The following RAD51B variants were observed in gnomAD, a reference collection of about 807,000 sequenced individuals.
RAD51B encodes RAD51 paralog B, also known as DNA repair protein RAD51 homolog 2.
RAD51B carries 38 observed loss-of-function variants against 42.2 expected under a neutral mutation model. The observed-to-expected ratio is 0.90, with a 90% confidence interval of 0.70 to 1.18. The LOEUF is 1.18. Ranked by LOEUF, RAD51B falls within the 50% of genes most tolerant of loss-of-function variation. RAD51B has a pLI of 0.00. For missense variants in RAD51B, 373 were observed against 400.7 expected (o/e 0.93, Z 0.59); for synonymous variants, 154 against 145.2 (o/e 1.06, Z -0.43).
chr14:67,963,561 C>T (rs1158566321), intron 7 of RAD51B, among the ~76,000 whole-genome samples: 5 of 152,082 alleles, frequency 3.3e-5, no homozygotes, highest in Non-Finnish European at 5.9e-5. Context: ...CTCTTACCAT[C>T]ATTTTAAATA....
At chr14:67,824,955 G>A (rs1023774439) in intron 2 of RAD51B, among the ~76,000 whole-genome samples, 9 of 151,758 alleles carry the variant, frequency 5.9e-5, no homozygotes. Flanking sequence ...GTGAGTGCCT[G>A]TAGTCCCAGC....
intron 7 of RAD51B, among the ~76,000 whole-genome samples, chr14:68,277,798 G>T (rs909721073): frequency 2.0e-5 from 3 of 152,086 alleles, no homozygotes; most frequent in Non-Finnish European, 4.4e-5. Flanking sequence ...GAGTGTAGTG[G>T]CATAATCTTG....
intron 10 of RAD51B, among the ~76,000 whole-genome samples, chr14:68,641,078 G>A (rs1566962095): frequency 6.6e-6 from 1 of 152,154 alleles, no homozygotes; most frequent in Non-Finnish European, 1.5e-5. Flanking sequence ...CTTTTAATGA[G>A]TTCACCTTGG....
Position 68,063,714 on chromosome 14 carries a change from G to A in RAD51B, c.756+176510G>A, listed in dbSNP as rs184436339. 2.8e-3 allele frequency among the ~76,000 whole-genome samples: 423 copies of A among 152,204 alleles called. 5 individuals carry two copies. The highest frequency in any genetic ancestry group is 2.4e-3 in the Non-Finnish European group (160 of 68,000). ...TTGTGCCACAGCACTCCAGCCTGGC[G>A]ACAGAATGAGACTCCATCTCAAAAA... On this transcript the variant is annotated intron_variant, in intron 7 of 10. Transcript: ENST00000471583.
In RAD51B at chr14:67,897,307, T is replaced by C. The variant is rs539593317; in HGVS notation, c.756+10103T>C. ...GGAAATAAGAAAAGGAACAAACAAC[T>C]CACGAAATAGGAGAAAATATTTGGA... On this transcript the variant is annotated intron_variant, in intron 7 of 10. Transcript: ENST00000471583. 1.5e-4 allele frequency among the ~76,000 whole-genome samples: 23 copies of C among 151,790 alleles called. 1 individual carries two copies. Among genetic ancestry groups the C allele is most frequent in the African/African-American group, 4.6e-4 (19 of 41,406 alleles).
chr14:67,937,547 C>A (rs1183514073), intron 7 of RAD51B, among the ~76,000 whole-genome samples: 2 of 152,080 alleles, frequency 1.3e-5, no homozygotes, highest in African/African-American at 2.4e-5. Context: ...TGGGAGTAAC[C>A]CATTGGCAAG....
At chr14:68,410,412 T>C (rs954701155) in intron 8 of RAD51B, among the ~76,000 whole-genome samples, 4 of 152,186 alleles carry the variant, frequency 2.6e-5, no homozygotes. Context: ...TTTAGCTAAT[T>C]CAGTGGACTT....
chr14:67,888,430 G>C (rs2043125239), intron 7 of RAD51B, among the ~76,000 whole-genome samples: 1 of 152,040 alleles, frequency 6.6e-6, no homozygotes, highest in African/African-American at 2.4e-5. Flanking sequence ...CTAAAGATAG[G>C]AGATATTTGA....
intron 7 of RAD51B, among the ~76,000 whole-genome samples, chr14:68,098,082 CTT>C (rs2077225288): frequency 6.6e-6 from 1 of 152,196 alleles, no homozygotes; most frequent in Admixed American, 6.5e-5. Context: ...TCTCGTGACT[CTT>C]TTCATATTAA....
chr14:67,981,399 T>G (rs562380861), intron 7 of RAD51B, among the ~76,000 whole-genome samples: 1 of 152,358 alleles, frequency 6.6e-6, no homozygotes, highest in South Asian at 2.1e-4. Context: ...AAAAATAGTT[T>G]GGCAGTTTCT....
At chr14:68,060,618 C>A (rs2076552312) in intron 7 of RAD51B, among the ~76,000 whole-genome samples, 1 of 152,296 alleles carries the variant, frequency 6.6e-6, no homozygotes, top group Admixed American at 6.5e-5. Flanking sequence ...AAATTTTCGT[C>A]CAACTTTCCA....
chr14:67,991,974 C>T (rs557249622), intron 7 of RAD51B, among the ~76,000 whole-genome samples: 9 of 152,198 alleles, frequency 5.9e-5, no homozygotes, highest in Admixed American at 2.0e-4. Flanking sequence ...AAAGGCTTAA[C>T]GTTCCTAAGT....
chr14:68,020,978 G>T (rs1247930820), intron 7 of RAD51B, among the ~76,000 whole-genome samples: 2 of 152,110 alleles, frequency 1.3e-5, no homozygotes, highest in African/African-American at 4.8e-5. Flanking sequence ...AGGAGTGTTA[G>T]TTCTTTCCTT....
chr14:68,122,731 AAG>A (rs2077675306), intron 7 of RAD51B, among the ~76,000 whole-genome samples: 2 of 152,232 alleles, frequency 1.3e-5, no homozygotes, highest in Non-Finnish European at 2.9e-5. Context: ...TGACTGACAT[AAG>A]TATAGTTATT....
At chr14:68,062,678 A>G (rs749106798) in intron 7 of RAD51B, among the ~76,000 whole-genome samples, 6 of 151,956 alleles carry the variant, frequency 3.9e-5, no homozygotes, top group Non-Finnish European at 8.8e-5. Flanking sequence ...CCATGGTGAC[A>G]GGCACCTGTA....
intron 7 of RAD51B, among the ~76,000 whole-genome samples, chr14:67,974,301 ATTAC>A (rs1165108841): frequency 3.9e-5 from 6 of 152,092 alleles, no homozygotes; most frequent in Admixed American, 3.9e-4. Context: ...GAAAACTCCT[ATTAC>A]TTCAAAAATG....
At chr14:68,040,081 G>C (rs1478500847) in intron 7 of RAD51B, among the ~76,000 whole-genome samples, 1 of 152,166 alleles carries the variant, frequency 6.6e-6, no homozygotes, top group South Asian at 2.1e-4. Context: ...TAATCTTATG[G>C]ATAGCTTCAC....
chr14:68,224,659 ATT>A (rs1266680555), intron 7 of RAD51B, among the ~76,000 whole-genome samples: 2 of 152,034 alleles, frequency 1.3e-5, no homozygotes, highest in Non-Finnish European at 2.9e-5. Context: ...CAGTAGTTTT[ATT>A]TTTTATGCAA....
rs369109796 is a variant in RAD51B, at chr14:67,989,401, C to G, written c.756+102197C>G. Among the ~76,000 whole-genome samples the G allele has an allele frequency of 4.5e-4, 69 of 152,084 alleles. 3 individuals are homozygous for G. The East Asian group carries it at 5.4e-3, about 12-fold the overall frequency. Reference sequence around the variant, plus strand: ...CCTGTAATCCCAGCACTTTGGGAGGCCAAGGCAGGTGGATCACCTGAGGTC... The same window carrying G: ...CCTGTAATCCCAGCACTTTGGGAGGGCAAGGCAGGTGGATCACCTGAGGTC... On this transcript the variant is annotated intron_variant, in intron 7 of 10. Transcript: ENST00000471583.
Sources: gnomAD v4.1 joint callset for allele counts (sites outside exome capture counted in the v4.1 genomes callset) on GRCh38, gnomAD v4.1.1 for gene constraint, MANE v1.5 for transcripts, NCBI Gene and HGNC (gene_info 2026-07-23, HGNC 2026-07-21) for gene names.